The following CMTR1 variants were observed in gnomAD, a reference collection of about 807,000 sequenced individuals.
CMTR1 encodes the protein cap methyltransferase 1.
CMTR1 carries 39 observed loss-of-function variants against 107.0 expected under a neutral mutation model. The observed-to-expected ratio is 0.36, with a 90% CI of 0.28 to 0.48. CMTR1 has a LOEUF of 0.48. Among genes scored for constraint, CMTR1 ranks in the 20% least tolerant of loss-of-function variants. CMTR1 has a pLI of 0.99. For missense variants in CMTR1, 672 were observed against 1,064.9 expected, an observed-to-expected ratio of 0.63 and a Z score of 5.14; for synonymous variants, 366 against 379.5, an observed-to-expected ratio of 0.96 and a Z score of 0.41.
rs775376944 is a variant in CMTR1 at position 37,446,467 on chromosome 6, G to A, written c.444+18G>A. 4 of 1,598,046 alleles carry A rather than the reference G, an allele frequency of 2.5e-6. No homozygotes were observed. The highest frequency in any genetic ancestry group is 3.4e-6 in the Non-Finnish European group (4 of 1,174,170). On this transcript the variant is annotated intron_variant, in intron 4 of 23. Coordinates refer to ENST00000373451, the MANE Select transcript of CMTR1 (RefSeq NM_015050.3). ...AGCCAGAGGTAAGTGTTAAAGTGAG[G>A]AGGAGATGGAAAAGCCACTTGTGTT... is the stretch of plus-strand genomic sequence containing the variant.
chr6:37,474,632 G>A lies in CMTR1; in HGVS notation c.1930G>A (p.Glu644Lys), dbSNP rs778816388. The A allele has an allele frequency of 6.2e-7, 1 of 1,613,794 alleles. No individual in the cohort carries two copies. ...TCTGCTATCTGTGGAAATTGTGCAT[G>A]AGCTGAAAGGGGAGGTCAGAGATGG... The part of the protein sequence containing the change: ...DTLLSVEIVH[E>K]LKGEGKAQRK... Residue 644 changes from glutamate (E) to lysine (K), a missense_variant, in exon 18 of 24, where the codon GAG becomes AAG. Glu to Lys is a moderately conservative substitution (Grantham distance 56). Transcript: ENST00000373451.
chr6:37,457,231 A>C (rs889337451), intron 8 of CMTR1, among the ~76,000 whole-genome samples: 2 of 151,486 alleles, frequency 1.3e-5, no homozygotes, highest in South Asian at 2.1e-4. Flanking sequence ...AAAAAAAAAA[A>C]CAAAAAAACC....
At chr6:37,430,817 A>G (rs2113856887), upstream of CMTR1, among the ~76,000 whole-genome samples, 1 of 152,236 alleles carries the variant, frequency 6.6e-6, no homozygotes, top group East Asian at 1.9e-4. Context: ...GATCAAGACC[A>G]TCCTGGCTAA....
At chr6:37,453,008 A>G (rs561161354) in intron 6 of CMTR1, 39 bp from the exon 7 acceptor site, 1 of 1,591,316 alleles carries the variant, frequency 6.3e-7, no homozygotes, top group Non-Finnish European at 8.6e-7. Context: ...TCCCTTTCCT[A>G]TCCTGGAATT....
At chr6:37,470,977 C>T in intron 13 of CMTR1, 44 bp from the exon 14 acceptor site, 3 of 1,538,676 alleles carry the variant, frequency 1.9e-6, no homozygotes, top group Non-Finnish European at 2.6e-6. Flanking sequence ...AGTTACCTGT[C>T]TTTTTTGGTA....
At chr6:37,479,542 G>A (rs1260363937) in intron 23 of CMTR1, among the ~76,000 whole-genome samples, 5 of 152,218 alleles carry the variant, frequency 3.3e-5, no homozygotes, top group Admixed American at 6.5e-5. Context: ...GAGCAGCCAC[G>A]TTTCGGTGAC....
chr6:37,449,085 C>A lies in CMTR1; in HGVS notation c.445-1166C>A, dbSNP rs374703815. On this transcript the variant is annotated intron_variant, in intron 4 of 23. Transcript: ENST00000373451. ...CCTTCTGAGTATCTACAACTACAGG[C>A]CTGTGCCACCATGCCTGGCTAATTT... Among the ~76,000 whole-genome samples the A allele has an allele frequency of 1.6e-4, 24 of 152,160 alleles. No individual in the cohort carries two copies. In the East Asian group the frequency reaches 4.3e-3, roughly 27 times the overall value.
At chr6:37,434,112 A>G (rs910863501) in intron 1 of CMTR1, among the ~76,000 whole-genome samples, 1 of 152,006 alleles carries the variant, frequency 6.6e-6, no homozygotes, top group Non-Finnish European at 1.5e-5. Flanking sequence ...TTTTGGGGGT[A>G]TTTAAGACTA....
At chr6:37,449,077 A>G (rs1483966959) in intron 4 of CMTR1, among the ~76,000 whole-genome samples, 1 of 151,974 alleles carries the variant, frequency 6.6e-6, no homozygotes, top group Non-Finnish European at 1.5e-5. Flanking sequence ...AGTATCTACA[A>G]CTACAGGCCT....
At chr6:37,425,956 C>T in the CMTR1 span, among the ~76,000 whole-genome samples, 1 of 152,190 alleles carries the variant, frequency 6.6e-6, no homozygotes, top group South Asian at 2.1e-4. Context: ...CCCTTAGACT[C>T]TGTTTGTTTT....
upstream of CMTR1, among the ~76,000 whole-genome samples, chr6:37,432,388 C>T (rs2077281750): frequency 6.6e-6 from 1 of 152,048 alleles, no homozygotes; most frequent in African/African-American, 2.4e-5. Context: ...TTGTGAAGAA[C>T]GCATTAGAGG....
At chr6:37,441,540 G>A (rs1181005276) in intron 2 of CMTR1, among the ~76,000 whole-genome samples, 1 of 151,600 alleles carries the variant, frequency 6.6e-6, no homozygotes, top group African/African-American at 2.4e-5. Flanking sequence ...TCAGCCTCCC[G>A]AGTAGCTGAG....
intron 4 of CMTR1, among the ~76,000 whole-genome samples, chr6:37,449,271 T>TTGTTATGTTATGTTA (rs71542111): frequency 0.26 from 37,443 of 145,104 alleles, 5,196 homozygotes; most frequent in Middle Eastern, 0.3. Flanking sequence ...ATTTTATGTT[T>TTGTTATGTTATGTTA]TGTTATGTTA....
intron 6 of CMTR1, among the ~76,000 whole-genome samples, chr6:37,452,160 G>T (rs1421040766): frequency 1.3e-5 from 2 of 152,204 alleles, no homozygotes; most frequent in South Asian, 4.1e-4. Flanking sequence ...GTAGTAAAAG[G>T]TTTGGAGTCA....
At chr6:37,461,710 T>C in intron 11 of CMTR1, 65 bp downstream of exon 11, 1 of 1,116,532 alleles carries the variant, frequency 9.0e-7, no homozygotes, top group Non-Finnish European at 1.3e-6. Context: ...GACAAGAACA[T>C]GTACAAGGGG....
At chr6:37,450,174 G>T (rs1771918592) in intron 4 of CMTR1, 77 bp from the exon 5 acceptor site, 2 of 1,238,152 alleles carry the variant, frequency 1.6e-6, no homozygotes, top group Admixed American at 3.5e-5. Context: ...TGATTGTTTT[G>T]GGGAAGTCCT....
At chr6:37,477,664 C>T (rs1220620514) in intron 21 of CMTR1, 25 bp downstream of exon 21, 21 of 1,596,872 alleles carry the variant, frequency 1.3e-5, no homozygotes, top group Non-Finnish European at 1.7e-5. Flanking sequence ...CGGTGAAGCT[C>T]AGATTCAAGA....
At chr6:37,475,488 G>A (rs1346721806) in intron 19 of CMTR1, 76 bp downstream of exon 19, 9 of 1,262,394 alleles carry the variant, frequency 7.1e-6, no homozygotes, top group Non-Finnish European at 1.0e-5. Context: ...CTCCCGAGGT[G>A]TGGCCCCTTA....
Position 37,472,460 on chromosome 6 carries a change from T to G in CMTR1, c.1662T>G (p.Pro554=), listed in dbSNP as rs1168237226. The part of the protein sequence containing the change: ...QARVAPSSSD[P]KSKFFELIQG... ...GTGTGGCTCCTTCTTCCTCCGACCC[T>G]AAATCGAAGTTCTTTGAGCTAATCC... Residue 554 remains proline, a synonymous_variant, in exon 16 of 24, where the codon CCT becomes CCG. Coordinates refer to ENST00000373451, the MANE Select transcript of CMTR1 (RefSeq NM_015050.3). This position sits in a 1 kb window ranked among gnomAD's most constrained non-coding sequence, Gnocchi z 4.1. 6.2e-7 allele frequency: 1 copy of G among 1,614,060 alleles called. No homozygotes were observed. Among genetic ancestry groups the G allele is most frequent in the Non-Finnish European group, 8.5e-7 (1 of 1,180,008 alleles).
Sources: gnomAD v4.1 joint callset for allele counts (sites outside exome capture counted in the v4.1 genomes callset) on GRCh38, gnomAD v4.1.1 for gene constraint, Gnocchi (gnomAD v3.1) non-coding constraint, MANE v1.5 for transcripts, NCBI Gene and HGNC (gene_info 2026-07-23, HGNC 2026-07-21) for gene names.